The following BCL2 variants were observed in gnomAD, a reference collection of about 807,000 sequenced individuals.
BCL2 encodes the protein BCL2 apoptosis regulator.
A neutral mutation model predicts 14.2 loss-of-function variants in BCL2; 1 was observed. That is an observed-to-expected ratio of 0.07 (90% CI 0.02 to 0.33). BCL2 has a LOEUF of 0.33. Ranked by LOEUF, BCL2 falls within the 10% of genes least tolerant of loss-of-function variation. BCL2 has a pLI of 0.99. For missense variants in BCL2, 247 were observed against 305.9 expected, an observed-to-expected ratio of 0.81 and a Z score of 1.44; for synonymous variants, 151 against 137.2, an observed-to-expected ratio of 1.10 and a Z score of -0.70.
chr18:63,222,346 G>C (rs996649348), intron 2 of BCL2, among the ~76,000 whole-genome samples: 1 of 150,738 alleles, frequency 6.6e-6, no homozygotes, highest in Non-Finnish European at 1.5e-5. Flanking sequence ...AAAAATATCT[G>C]AGGTTGAACT....
intron 2 of BCL2, among the ~76,000 whole-genome samples, chr18:63,172,242 T>C (rs1314786253): frequency 6.6e-6 from 1 of 152,184 alleles, no homozygotes; most frequent in African/African-American, 2.4e-5. Flanking sequence ...TGGTAATTAC[T>C]TTTCACATCC....
chr18:63,237,754 T>A (rs1910881188), intron 2 of BCL2, among the ~76,000 whole-genome samples: 1 of 152,218 alleles, frequency 6.6e-6, no homozygotes, highest in East Asian at 1.9e-4. Context: ...ACGGCAAGGA[T>A]TCCAATACCA....
At chr18:63,300,470 G>C (rs927121038) in intron 2 of BCL2, among the ~76,000 whole-genome samples, 20 of 150,886 alleles carry the variant, frequency 1.3e-4, no homozygotes, top group East Asian at 5.8e-4. Context: ...CTCTCTCTGT[G>C]TGTGTGTGTG....
chr18:63,272,570 A>G (rs1912033436), intron 2 of BCL2, among the ~76,000 whole-genome samples: 1 of 152,210 alleles, frequency 6.6e-6, no homozygotes, highest in African/African-American at 2.4e-5. Context: ...CACTCAAAGA[A>G]AAAAGGGAGA....
chr18:63,208,211 C>T (rs1047287261), intron 2 of BCL2: 1 of 152,230 alleles, frequency 6.6e-6, no homozygotes, highest in Non-Finnish European at 1.5e-5. Context: ...AAAGCACTCA[C>T]TTTCACCTTA....
intron 2 of BCL2, among the ~76,000 whole-genome samples, chr18:63,298,903 T>C (rs1036722347): frequency 1.3e-5 from 2 of 152,148 alleles, no homozygotes; most frequent in African/African-American, 4.8e-5. Context: ...AGCAGCAGCT[T>C]CCTGGAAGGC....
At chr18:63,238,654 C>G (rs1027623580) in intron 2 of BCL2, among the ~76,000 whole-genome samples, 2 of 152,118 alleles carry the variant, frequency 1.3e-5, no homozygotes, top group Admixed American at 1.3e-4. Context: ...CATGGTGGGG[C>G]CTGAAGGAGT....
At position 63,176,127 on chromosome 18, in the gene BCL2, T is replaced by A. The variant is rs145426257; in HGVS notation, c.586-47368A>T. ...TCGCTCTGGTCAGGACTTGGCATGG[T>A]CTATTGAAAGAATTTTCCTTTATTA... On this transcript the variant is annotated intron_variant, in intron 2 of 2. Coordinates refer to ENST00000333681, the MANE Select transcript of BCL2 (RefSeq NM_000633.3). Among the ~76,000 whole-genome samples, 34 of 152,348 alleles carry A rather than the reference T, an allele frequency of 2.2e-4. No homozygotes were observed. In the East Asian group the frequency reaches 4.8e-3, roughly 22 times the overall value.
intron 2 of BCL2, among the ~76,000 whole-genome samples, chr18:63,213,834 G>A (rs1261055843): frequency 2.6e-5 from 4 of 151,978 alleles, no homozygotes; most frequent in East Asian, 3.9e-4. Flanking sequence ...GAGTTCTCTC[G>A]ACGGCAGAAT....
chr18:63,204,595 C>T (rs1054206345), intron 2 of BCL2, among the ~76,000 whole-genome samples: 2 of 152,166 alleles, frequency 1.3e-5, no homozygotes, highest in Admixed American at 6.5e-5. Context: ...TGGCAGATCT[C>T]AGGCCAAATA....
rs568003070 is a variant in BCL2 at position 63,171,189 on chromosome 18, T to A, written c.586-42430A>T. Among the ~76,000 whole-genome samples the A allele has an allele frequency of 2.0e-5, 3 of 152,316 alleles. No homozygotes were observed. The South Asian group carries it at 6.2e-4, about 32-fold the overall frequency. On this transcript the variant is annotated intron_variant, in intron 2 of 2. Coordinates refer to ENST00000333681, the MANE Select transcript of BCL2 (RefSeq NM_000633.3). ...GTCCATCATTTGACAATGGCCAGAGTTTACTAGTGTAATTTTCAAGTATCA... is the reference window on the plus strand; with the variant it reads ...GTCCATCATTTGACAATGGCCAGAGATTACTAGTGTAATTTTCAAGTATCA...
At chr18:63,178,094 A>G (rs545655502) in intron 2 of BCL2, among the ~76,000 whole-genome samples, 1 of 152,328 alleles carries the variant, frequency 6.6e-6, no homozygotes, top group Admixed American at 6.5e-5. Flanking sequence ...AAGAGGCCTC[A>G]TGATAAATCA....
intron 2 of BCL2, among the ~76,000 whole-genome samples, chr18:63,145,671 G>A (rs1051698571): frequency 6.6e-6 from 1 of 152,236 alleles, no homozygotes; most frequent in East Asian, 1.9e-4. Context: ...AAGTTTGCAA[G>A]GCAAGTTTGT....
At chr18:63,190,792 T>C (rs151284039) in intron 2 of BCL2, among the ~76,000 whole-genome samples, 7 of 152,278 alleles carry the variant, frequency 4.6e-5, no homozygotes, top group Non-Finnish European at 8.8e-5. Flanking sequence ...GCTGCACCTA[T>C]CAACCATCAC....
At position 63,149,844 on chromosome 18, in the gene BCL2, CATTTATTT is replaced by C. The variant is rs372022076; in HGVS notation, c.586-21093_586-21086del. On this transcript the variant is annotated intron_variant, in intron 2 of 2. Coordinates refer to ENST00000333681, the MANE Select transcript of BCL2 (RefSeq NM_000633.3). The surrounding 1 kb of genome is among the most constrained non-coding windows in gnomAD (Gnocchi z 4.2). ...CAGAAAGGGTTCTCCTGACATGAGGCATTTATTTATTTATTTATTTATTTATTTATTTA... is the reference window on the plus strand; with the variant it reads ...CAGAAAGGGTTCTCCTGACATGAGGCATTTATTTATTTATTTATTTATTTA... Among the ~76,000 whole-genome samples the C allele has an allele frequency of 0.016, 2,298 of 147,370 alleles. 16 individuals carry two copies. Among genetic ancestry groups the C allele is most frequent in the Middle Eastern group, 0.048 (14 of 294 alleles).
intron 2 of BCL2, among the ~76,000 whole-genome samples, chr18:63,276,318 A>G (rs8089538): frequency 0.35 from 52,509 of 152,060 alleles, 9,471 homozygotes; most frequent in Middle Eastern, 0.43. Flanking sequence ...CTGGCTTCTC[A>G]TTACATGCAA....
At chr18:63,287,731 G>GAGC (rs149721176) in intron 2 of BCL2, among the ~76,000 whole-genome samples, 3 of 152,124 alleles carry the variant, frequency 2.0e-5, no homozygotes, top group Admixed American at 6.6e-5. Flanking sequence ...GGTTGAATTA[G>GAGC]AGCAGCAGCA....
chr18:63,228,873 T>G (rs1910616985), intron 2 of BCL2, among the ~76,000 whole-genome samples: 1 of 152,214 alleles, frequency 6.6e-6, no homozygotes, highest in Non-Finnish European at 1.5e-5. Context: ...CAGGCTCAAC[T>G]GGTTTTTTGT....
intron 2 of BCL2, among the ~76,000 whole-genome samples, chr18:63,244,158 T>C (rs1453471479): frequency 6.6e-6 from 1 of 152,038 alleles, no homozygotes; most frequent in Non-Finnish European, 1.5e-5. Flanking sequence ...GGTGGGTAGA[T>C]TGTGAGGTCA....
Sources: allele counts gnomAD v4.1 joint callset (sites outside exome capture counted in the v4.1 genomes callset), GRCh38; gene constraint gnomAD v4.1.1; non-coding constraint Gnocchi (gnomAD v3.1); transcripts MANE v1.5; gene names NCBI Gene and HGNC (gene_info 2026-07-23, HGNC 2026-07-21).